RBMS2: variants seen among roughly 807,000 people sequenced by gnomAD.
RBMS2 encodes the protein RNA-binding motif, single-stranded-interacting protein 2.
In RBMS2, 38 loss-of-function variants were observed where a neutral mutation model predicts 58.4. The observed-to-expected ratio is 0.65, with a 90% confidence interval of 0.50 to 0.85. RBMS2 has a LOEUF of 0.85. Ranked by LOEUF, RBMS2 falls within the 40% of genes least tolerant of loss-of-function variation. The pLI, the probability that RBMS2 is intolerant of heterozygous loss-of-function variation, is 0.00. For missense variants in RBMS2, 367 were observed against 503.7 expected, an observed-to-expected ratio of 0.73 and a Z score of 2.60; for synonymous variants, 151 against 180.7, an observed-to-expected ratio of 0.84 and a Z score of 1.32.
At chr12:56,522,615 C>G (rs1422978919) in intron 1 of RBMS2, among the ~76,000 whole-genome samples, 1 of 152,158 alleles carries the variant, frequency 6.6e-6, no homozygotes, top group South Asian at 2.1e-4. Context: ...CTACCCCACC[C>G]AGCCTATAGA....
chr12:56,531,634 T>G (rs1355277519), intron 1 of RBMS2, among the ~76,000 whole-genome samples: 1 of 151,498 alleles, frequency 6.6e-6, no homozygotes, highest in Non-Finnish European at 1.5e-5. Flanking sequence ...GAGACCAGCC[T>G]GGCCAACATA....
At chr12:56,570,989 C>G (rs566583402) in intron 4 of RBMS2, among the ~76,000 whole-genome samples, 76 of 152,330 alleles carry the variant, frequency 5.0e-4, no homozygotes, top group African/African-American at 1.5e-3. Context: ...AAGGAAAAGG[C>G]AGAAGAGGAT....
In RBMS2 at chr12:56,589,492, T is replaced by G; in HGVS notation, c.*359T>G. 4.1e-6 allele frequency: 1 copy of G among 241,144 alleles called. No individual in the cohort carries two copies. The allele number at this position is 241,144 out of a possible 1,614,324, so 14.9% of individuals were successfully genotyped here. ...GCAGCTTCTCATCTATATGAAAAAG[T>G]TTTCGATGTATTGGAATTATTTGGG... On this transcript the variant is annotated 3_prime_UTR_variant, in exon 14 of 14. Coordinates refer to ENST00000262031, the MANE Select transcript of RBMS2 (RefSeq NM_002898.4).
intron 1 of RBMS2, among the ~76,000 whole-genome samples, chr12:56,538,727 G>T (rs966695349): frequency 2.6e-5 from 4 of 151,526 alleles, no homozygotes; most frequent in East Asian, 2.0e-4. Flanking sequence ...TGATCCACCC[G>T]CCTTGGCCTC....
At chr12:56,554,146 G>A (rs185744495) in intron 1 of RBMS2, among the ~76,000 whole-genome samples, 51 of 152,158 alleles carry the variant, frequency 3.4e-4, no homozygotes, top group Non-Finnish European at 6.3e-4. Flanking sequence ...AAATTAGAAC[G>A]AAGGACAAAA....
chr12:56,581,611 A>C (rs1883962791), intron 7 of RBMS2, 103 bp downstream of exon 7: 8 of 1,281,280 alleles, frequency 6.2e-6, no homozygotes, highest in Non-Finnish European at 8.9e-6. Context: ...CTTGAGAGCT[A>C]CAGTACGTAA....
chr12:56,563,452 T>C (rs1880796058), intron 2 of RBMS2, among the ~76,000 whole-genome samples: 1 of 152,138 alleles, frequency 6.6e-6, no homozygotes, highest in Non-Finnish European at 1.5e-5. Flanking sequence ...AGACCTCAAA[T>C]TAGCAGATAA....
intron 10 of RBMS2, among the ~76,000 whole-genome samples, chr12:56,587,192 G>A (rs564363257): frequency 2.6e-4 from 39 of 151,718 alleles, no homozygotes; most frequent in Non-Finnish European, 4.9e-4. Flanking sequence ...GCTTAAATTC[G>A]GGAGGCAGAG....
At position 56,590,560 on chromosome 12, in the gene RBMS2, C is replaced by G. The variant is rs1885233206; in HGVS notation, c.*1427C>G. The G allele has an allele frequency of 6.6e-6, 1 of 152,186 alleles. No homozygotes were observed. The highest frequency in any genetic ancestry group is 2.1e-4 in the South Asian group (1 of 4,828). 9.4% of individuals were successfully genotyped at this position (152,186 alleles called of 1,614,324 possible). On this transcript the variant is annotated 3_prime_UTR_variant, in exon 14 of 14. Transcript: ENST00000262031. Reference sequence around the variant, plus strand: ...ATATAGACAGTGTTGTCCCTGCCTCCTGGGTTAGGGTAAATTTTCACCCCA... The same window carrying G: ...ATATAGACAGTGTTGTCCCTGCCTCGTGGGTTAGGGTAAATTTTCACCCCA...
Position 56,594,843 on chromosome 12 carries a change from TCAA to T in RBMS2, c.*5716_*5718del, listed in dbSNP as rs753465127. 2.6e-5 allele frequency: 4 copies of T among 152,344 alleles called. No individual in the cohort carries two copies. The East Asian group carries it at 7.7e-4, about 29-fold the overall frequency. The allele number at this position is 152,344 out of a possible 1,614,324, so 9.4% of individuals were successfully genotyped here. The stretch of plus-strand genomic sequence containing the variant: ...CACGTCTACCTCACAACCTCACAAT[TCAA>T]CAACAGGTAAATACCTGGATTCACT... On this transcript the variant is annotated 3_prime_UTR_variant, in exon 14 of 14. Transcript: ENST00000262031.
At chr12:56,524,614 C>T (rs1308502907) in intron 1 of RBMS2, among the ~76,000 whole-genome samples, 2 of 151,962 alleles carry the variant, frequency 1.3e-5, no homozygotes, top group Admixed American at 1.3e-4. Context: ...GGGGTTTCAC[C>T]ATGTTGGCCA....
In RBMS2 at chr12:56,571,945, C is replaced by T. The variant is rs187695655; in HGVS notation, c.542+90C>T. 7.0e-5 allele frequency: 88 copies of T among 1,248,446 alleles called. No homozygotes were observed. In the East Asian group the frequency reaches 8.2e-4, roughly 12 times the overall value. The allele number at this position is 1,248,446 out of a possible 1,614,324, so 77.3% of individuals were successfully genotyped here. A position where few individuals can be genotyped will look rare whatever the true frequency, so the allele number is the denominator to read the frequency against. On this transcript the variant is annotated intron_variant, in intron 5 of 13. Transcript: ENST00000262031. ...AAACAAAATCTATGCCTTTCCCACA[C>T]AAGGTCAAAATACTTTACTATTATT... is the stretch of plus-strand genomic sequence containing the variant.
intron 4 of RBMS2, among the ~76,000 whole-genome samples, chr12:56,571,439 TAA>T (rs1258236940): frequency 6.6e-6 from 1 of 152,210 alleles, no homozygotes; most frequent in Non-Finnish European, 1.5e-5. Context: ...TGCCTGTTTC[TAA>T]AAGAGACAGC....
rs1357605491 is a variant in RBMS2, at chr12:56,592,693, TAG to T, written c.*3564_*3565del. 1 of 152,118 alleles carries T rather than the reference TAG, an allele frequency of 6.6e-6. No homozygotes were observed. The highest frequency in any genetic ancestry group is 1.5e-5 in the Non-Finnish European group (1 of 68,080). 9.4% of individuals were successfully genotyped at this position (152,118 alleles called of 1,614,324 possible). On this transcript the variant is annotated 3_prime_UTR_variant, in exon 14 of 14. Coordinates refer to ENST00000262031, the MANE Select transcript of RBMS2 (RefSeq NM_002898.4). ...GCCCGGCTAATTTTTTTATTTTTAGTAGAGATGGGGTTTCACCATGTTGGCCA... is the reference window on the plus strand; with the variant it reads ...GCCCGGCTAATTTTTTTATTTTTAGTAGATGGGGTTTCACCATGTTGGCCA...
intron 1 of RBMS2, among the ~76,000 whole-genome samples, chr12:56,524,597 T>C (rs149682513): frequency 1.7e-4 from 26 of 152,124 alleles, no homozygotes; most frequent in African/African-American, 6.0e-4. Context: ...GTGTTCTTAG[T>C]AGAGACGGGG....
Position 56,589,615 on chromosome 12 carries a change from G to T in RBMS2, c.*482G>T. The T allele has an allele frequency of 5.8e-6, 1 of 172,298 alleles. No homozygotes were observed. Among genetic ancestry groups the T allele is most frequent in the South Asian group, 1.4e-4 (1 of 7,212 alleles). 10.7% of individuals were successfully genotyped at this position (172,298 alleles called of 1,614,324 possible). A position where few individuals can be genotyped will look rare whatever the true frequency, so the allele number is the denominator to read the frequency against. On this transcript the variant is annotated 3_prime_UTR_variant, in exon 14 of 14. Coordinates refer to ENST00000262031, the MANE Select transcript of RBMS2 (RefSeq NM_002898.4). ...TCGATGAAGGAGCCCTACTTACTGA[G>T]CTTAGTTATGGACTTTTTTGATGCA...
At chr12:56,580,254 A>G (rs1592493108) in intron 5 of RBMS2, 5 of 335,100 alleles carry the variant, frequency 1.5e-5, no homozygotes, top group Non-Finnish European at 2.8e-5. Context: ...TTTTTTTAAC[A>G]CAGATTCTCG....
chr12:56,540,973 C>T (rs1189651961), intron 1 of RBMS2, among the ~76,000 whole-genome samples: 5 of 151,942 alleles, frequency 3.3e-5, no homozygotes, highest in East Asian at 1.9e-4. Flanking sequence ...TGGTAGCATG[C>T]ACCTGTAGTC....
At chr12:56,562,245 CT>C (rs1880563651) in intron 1 of RBMS2, among the ~76,000 whole-genome samples, 171 bp from the exon 2 acceptor site, 1 of 152,198 alleles carries the variant, frequency 6.6e-6, no homozygotes. Context: ...GTATTAATTT[CT>C]TCTTCTCTGC....
Sources: allele counts gnomAD v4.1 joint callset (sites outside exome capture counted in the v4.1 genomes callset), GRCh38; gene constraint gnomAD v4.1.1; transcripts MANE v1.5; gene names NCBI Gene and HGNC (gene_info 2026-07-23, HGNC 2026-07-21).